Variants in MDGA2 observed in about 807,000 individuals in gnomAD.
MDGA2 encodes the protein MAM domain-containing glycosylphosphatidylinositol anchor protein 2.
Under a neutral mutation model 117.8 loss-of-function variants are expected in MDGA2, and 40 were observed. The ratio of observed to expected loss-of-function variants is 0.34; its 90% confidence interval spans 0.26 to 0.44. The LOEUF is 0.44. Ranked by LOEUF, MDGA2 falls within the 20% of genes least tolerant of loss-of-function variation. MDGA2 has a pLI of 1.00. For missense variants in MDGA2, 1,123 were observed against 1,250.6 expected, an observed-to-expected ratio of 0.90 and a Z score of 1.54; for synonymous variants, 452 against 439.0, an observed-to-expected ratio of 1.03 and a Z score of -0.37.
At chr14:46,960,729 A>AT (rs200011282) in intron 8 of MDGA2, among the ~76,000 whole-genome samples, 16,925 of 150,418 alleles carry the variant, frequency 0.11, 1,830 homozygotes, top group African/African-American at 0.25. Context: ...TATAATTTTC[A>AT]TTTTATATGT....
chr14:47,624,035 T>C (rs1897097083), intron 1 of MDGA2, among the ~76,000 whole-genome samples: 1 of 152,224 alleles, frequency 6.6e-6, no homozygotes, highest in Admixed American at 6.5e-5. Flanking sequence ...TACCATCCCC[T>C]TTTTTGAGGC....
In MDGA2 at chr14:47,176,038, C is replaced by T. The variant is rs560618508; in HGVS notation, c.596-31764G>A. Among the ~76,000 whole-genome samples the T allele has an allele frequency of 4.7e-3, 720 of 152,256 alleles. 2 individuals are homozygous for T. Among genetic ancestry groups the T allele is most frequent in the Non-Finnish European group, 8.2e-3 (557 of 68,028 alleles). ...AACAGAGAGCCAAATCATGAGTGAACTCCCATTCACAATTGCTTCAAAGAG... is the reference window on the plus strand; with the variant it reads ...AACAGAGAGCCAAATCATGAGTGAATTCCCATTCACAATTGCTTCAAAGAG... On this transcript the variant is annotated intron_variant, in intron 3 of 16. Transcript: ENST00000399232.
At chr14:47,130,026 C>T (rs1270038784) in intron 5 of MDGA2, among the ~76,000 whole-genome samples, 3 of 151,292 alleles carry the variant, frequency 2.0e-5, no homozygotes, top group Non-Finnish European at 4.4e-5. Context: ...CGAAAATTTT[C>T]TCCCATTTTG....
At chr14:47,313,519 A>G (rs1253069569) in intron 1 of MDGA2, among the ~76,000 whole-genome samples, 1 of 151,992 alleles carries the variant, frequency 6.6e-6, no homozygotes, top group Non-Finnish European at 1.5e-5. Context: ...CTGGTCTCAA[A>G]CACTTGGGCT....
intron 6 of MDGA2, among the ~76,000 whole-genome samples, chr14:47,089,363 GT>G (rs1481204507): frequency 6.6e-6 from 1 of 151,892 alleles, no homozygotes; most frequent in East Asian, 1.9e-4. Flanking sequence ...TCTCTCTTCT[GT>G]TTTAGGTTTC....
chr14:47,557,797 G>A (rs1348149127), intron 1 of MDGA2, among the ~76,000 whole-genome samples: 4 of 152,130 alleles, frequency 2.6e-5, no homozygotes, highest in Non-Finnish European at 5.9e-5. Context: ...TATTATAAAT[G>A]TATATGATTG....
At chr14:47,279,327 AT>A (rs1157533167) in intron 2 of MDGA2, among the ~76,000 whole-genome samples, 1 of 152,108 alleles carries the variant, frequency 6.6e-6, no homozygotes, top group Non-Finnish European at 1.5e-5. Context: ...TAAGTGTTAG[AT>A]TAAGCTAGTT....
intron 1 of MDGA2, among the ~76,000 whole-genome samples, chr14:47,424,690 TAG>T (rs1892649286): frequency 1.3e-5 from 2 of 152,160 alleles, no homozygotes. Flanking sequence ...AGAGTGGAGC[TAG>T]AGAGTCTTAC....
chr14:47,045,418 T>C (rs1889221754), intron 7 of MDGA2, among the ~76,000 whole-genome samples: 1 of 152,182 alleles, frequency 6.6e-6, no homozygotes, highest in South Asian at 2.1e-4. Context: ...AATAGTTCTT[T>C]CTTTTTTTAA....
intron 1 of MDGA2, chr14:47,444,414 C>A: frequency 5.3e-6 from 1 of 190,398 alleles, no homozygotes; most frequent in South Asian, 1.1e-4. Flanking sequence ...AGCACGGCCC[C>A]ATAAGAACCT....
chr14:47,375,612 A>G (rs1351545692), intron 1 of MDGA2, among the ~76,000 whole-genome samples: 2 of 152,040 alleles, frequency 1.3e-5, no homozygotes, highest in African/African-American at 2.4e-5. Context: ...CTTTTCCATT[A>G]AACCATCTAA....
chr14:46,932,292 C>G (rs1884611761), intron 9 of MDGA2, among the ~76,000 whole-genome samples: 2 of 151,658 alleles, frequency 1.3e-5, no homozygotes, highest in South Asian at 4.2e-4. Flanking sequence ...TGTATGAAAA[C>G]TTGTAACTTA....
At chr14:47,592,599 G>C (rs1594933906) in intron 1 of MDGA2, among the ~76,000 whole-genome samples, 1 of 152,074 alleles carries the variant, frequency 6.6e-6, no homozygotes, top group South Asian at 2.1e-4. Context: ...ACAACAATCT[G>C]ATCTTCGACA....
intron 1 of MDGA2, among the ~76,000 whole-genome samples, chr14:47,598,456 A>G (rs1247957232): frequency 1.3e-5 from 2 of 152,218 alleles, no homozygotes; most frequent in Non-Finnish European, 2.9e-5. Flanking sequence ...GGATAAATAG[A>G]AAGTGATATA....
At chr14:47,644,297 G>C (rs191913610) in intron 1 of MDGA2, among the ~76,000 whole-genome samples, 2 of 152,260 alleles carry the variant, frequency 1.3e-5, no homozygotes, top group East Asian at 3.9e-4. Flanking sequence ...GAAACACAAA[G>C]ATTCTTATAA....
At chr14:47,499,386 T>C (rs1894352246) in intron 1 of MDGA2, among the ~76,000 whole-genome samples, 1 of 152,154 alleles carries the variant, frequency 6.6e-6, no homozygotes, top group African/African-American at 2.4e-5. Context: ...AACTAGTTTA[T>C]ATGTCTATGC....
intron 10 of MDGA2, among the ~76,000 whole-genome samples, chr14:46,886,650 T>G (rs1366285396): frequency 6.6e-6 from 1 of 152,006 alleles, no homozygotes; most frequent in Non-Finnish European, 1.5e-5. Context: ...ATTATGATTA[T>G]GTTATTTTGT....
intron 5 of MDGA2, among the ~76,000 whole-genome samples, chr14:47,121,466 T>C (rs1373085219): frequency 1.3e-5 from 2 of 152,078 alleles, no homozygotes; most frequent in Non-Finnish European, 2.9e-5. Flanking sequence ...GGAATTTCGC[T>C]ATGATTTAAT....
chr14:47,142,873 T>C (rs1882783148), intron 4 of MDGA2, among the ~76,000 whole-genome samples: 1 of 152,180 alleles, frequency 6.6e-6, no homozygotes, highest in African/African-American at 2.4e-5. Flanking sequence ...TTCCAGAGAT[T>C]TATATTTTGG....
Sources: gnomAD v4.1 joint callset for allele counts (sites outside exome capture counted in the v4.1 genomes callset) on GRCh38, gnomAD v4.1.1 for gene constraint, MANE v1.5 for transcripts, NCBI Gene and HGNC (gene_info 2026-07-23, HGNC 2026-07-21) for gene names.